Variants in CSMD2 observed in about 807,000 individuals in gnomAD.
The protein encoded by CSMD2 is CUB and Sushi multiple domains 2.
Under a neutral mutation model 398.5 loss-of-function variants are expected in CSMD2, and 130 were observed. That is an observed-to-expected ratio of 0.33 (90% CI 0.28 to 0.38). CSMD2 has a LOEUF of 0.38. CSMD2 is among the 10% of genes least tolerant of loss of function. CSMD2 has a pLI of 1.00. For missense variants in CSMD2, 3,829 were observed against 4,764.9 expected (o/e 0.80, Z 5.78); for synonymous variants, 1,828 against 1,908.5 (o/e 0.96, Z 1.10).
rs72469561 is a variant in CSMD2 at position 33,749,092 on chromosome 1, C to CTTTTTTTT, written c.1847-5494_1847-5487dup. Among the ~76,000 whole-genome samples, 24 of 87,806 alleles carry CTTTTTTTT rather than the reference C, an allele frequency of 2.7e-4. 1 individual carries two copies. Among genetic ancestry groups the CTTTTTTTT allele is most frequent in the East Asian group, 7.5e-4 (2 of 2,656 alleles). The allele number at this position is 87,806 out of a possible 152,430, so 57.6% of individuals were successfully genotyped here. On this transcript the variant is annotated intron_variant, in intron 13 of 70. Transcript: ENST00000373381. ...AAAACAAAGCTATCAATACAGACTT[C>CTTTTTTTT]TTTTTTTTTTTTTTTTTTTTTTTTT...
rs190044881 is a variant in CSMD2, at chr1:33,518,437, G to T, written c.*53+1028C>A. Among the ~76,000 whole-genome samples the T allele has an allele frequency of 4.3e-4, 65 of 152,194 alleles. 1 individual carries two copies. Among genetic ancestry groups the T allele is most frequent in the African/African-American group, 1.5e-3 (63 of 41,532 alleles). Reference sequence around the variant, plus strand: ...ACCGTGTACACGTGTGGGTGTGTCTGCCCCCTGTCTATATTTCCGGGAGCT... The same window carrying T: ...ACCGTGTACACGTGTGGGTGTGTCTTCCCCCTGTCTATATTTCCGGGAGCT... On this transcript the variant is annotated intron_variant, in intron 70 of 70. Transcript: ENST00000373381. The surrounding 1 kb of genome is among the most constrained non-coding windows in gnomAD (Gnocchi z 4.3).
intron 1 of CSMD2, among the ~76,000 whole-genome samples, chr1:34,124,955 C>T (rs995126261): frequency 1.3e-5 from 2 of 152,174 alleles, no homozygotes; most frequent in African/African-American, 4.8e-5. Flanking sequence ...ATGTCTACTT[C>T]CATGACTTCG....
At chr1:33,650,506 T>C (rs1380045155) in intron 28 of CSMD2, among the ~76,000 whole-genome samples, 1 of 148,154 alleles carries the variant, frequency 6.7e-6, no homozygotes, top group Non-Finnish European at 1.5e-5. Context: ...GCCCTGAAAC[T>C]GCAAGGAGTT....
intron 14 of CSMD2, among the ~76,000 whole-genome samples, chr1:33,741,708 G>C (rs1647073838): frequency 6.6e-6 from 1 of 152,044 alleles, no homozygotes; most frequent in African/African-American, 2.4e-5. Context: ...GAGAAACCTT[G>C]GAAAGAAATA....
chr1:33,557,983 A>G, intron 54 of CSMD2, 61 bp from the exon 55 acceptor site: 1 of 1,438,680 alleles, frequency 7.0e-7, no homozygotes, highest in East Asian at 2.5e-5. Flanking sequence ...TCTTCCGAGC[A>G]AAACTAGGCA....
intron 55 of CSMD2, among the ~76,000 whole-genome samples, 172 bp from the exon 56 acceptor site, chr1:33,550,522 C>A (rs1306691336): frequency 6.6e-6 from 1 of 152,236 alleles, no homozygotes; most frequent in Non-Finnish European, 1.5e-5. Context: ...ACAATGTCCA[C>A]TCAGGGGACA....
chr1:33,895,766 G>C (rs1042669661), intron 5 of CSMD2, among the ~76,000 whole-genome samples: 2 of 152,196 alleles, frequency 1.3e-5, no homozygotes, highest in African/African-American at 4.8e-5. Flanking sequence ...GATGCAGGCT[G>C]TTCCCAGCCC....
At chr1:34,032,470 TCAGGA>T (rs1417831650) in intron 3 of CSMD2, 119 bp downstream of exon 3, 4 of 591,568 alleles carry the variant, frequency 6.8e-6, no homozygotes, top group Non-Finnish European at 1.1e-5. Context: ...ACCAGCCTTG[TCAGGA>T]CAGGCGCAAG....
chr1:33,864,548 G>T, intron 5 of CSMD2: 1 of 1,614,074 alleles, frequency 6.2e-7, no homozygotes, highest in Admixed American at 1.7e-5. Context: ...CGAACTGGTC[G>T]GTGGTGCAGG....
intron 22 of CSMD2, among the ~76,000 whole-genome samples, chr1:33,704,965 G>A (rs1052533453): frequency 1.3e-5 from 2 of 151,400 alleles, no homozygotes; most frequent in African/African-American, 4.9e-5. Flanking sequence ...CTAGAGACAG[G>A]GTTTCACTGT....
At position 33,622,226 on chromosome 1, in the gene CSMD2, T is replaced by C; in HGVS notation, c.5768A>G (p.Tyr1923Cys). ...GCTGATATCTGAGTAGAAATGAAGG[T>C]AGAGCTGGTTGGAGGTGCTGTTCAG... Reference protein sequence around the residue: ...ALLNSTSNQLYLHFYSDISVS... With the variant: ...ALLNSTSNQLCLHFYSDISVS... Residue 1923 changes from tyrosine (Y) to cysteine (C), a missense_variant, in exon 37 of 71, where the codon TAC becomes TGC. Physicochemically the swap from Tyr to Cys is radical, Grantham distance 194. Transcript: ENST00000373381. The C allele has an allele frequency of 6.2e-7, 1 of 1,614,080 alleles. No homozygotes were observed. The highest frequency in any genetic ancestry group is 8.5e-7 in the Non-Finnish European group (1 of 1,179,988).
At chr1:33,969,118 G>A (rs1269262506) in intron 3 of CSMD2, among the ~76,000 whole-genome samples, 1 of 152,180 alleles carries the variant, frequency 6.6e-6, no homozygotes, top group Non-Finnish European at 1.5e-5. Context: ...AAAGAACATG[G>A]TCAGAGAAGA....
chr1:33,966,700 T>C (rs904905876), intron 3 of CSMD2, among the ~76,000 whole-genome samples: 5 of 152,204 alleles, frequency 3.3e-5, no homozygotes, highest in African/African-American at 1.2e-4. Context: ...TGATGGTGGC[T>C]CTGATTTGCA....
Position 34,058,429 on chromosome 1 carries a change from C to T in CSMD2, c.405-25723G>A, listed in dbSNP as rs76742263. Among the ~76,000 whole-genome samples the T allele has an allele frequency of 1.6e-4, 25 of 152,264 alleles. No individual in the cohort carries two copies. In the East Asian group the frequency reaches 4.8e-3, roughly 29 times the overall value. Reference sequence around the variant, plus strand: ...ATATAAAAACAAATCCTCTACATTCCTATAGCTATCAAACAAAATTTATGA... The same window carrying T: ...ATATAAAAACAAATCCTCTACATTCTTATAGCTATCAAACAAAATTTATGA... On this transcript the variant is annotated intron_variant, in intron 2 of 70. Transcript: ENST00000373381.
intron 1 of CSMD2, among the ~76,000 whole-genome samples, chr1:34,150,107 G>A (rs1220465817): frequency 6.9e-6 from 1 of 145,172 alleles, no homozygotes; most frequent in East Asian, 2.0e-4. Flanking sequence ...TTTGAGACAG[G>A]GTCTTGCTCT....
At position 33,533,958 on chromosome 1, in the gene CSMD2, C is replaced by T; in HGVS notation, c.9880-51G>A. The T allele has an allele frequency of 1.7e-6, 2 of 1,172,212 alleles. No homozygotes were observed. Among genetic ancestry groups the T allele is most frequent in the Non-Finnish European group, 1.3e-6 (1 of 785,538 alleles). The allele number at this position is 1,172,212 out of a possible 1,614,324, so 72.6% of individuals were successfully genotyped here. A position where few individuals can be genotyped will look rare whatever the true frequency, so the allele number is the denominator to read the frequency against. On this transcript the variant is annotated intron_variant, in intron 62 of 70. Coordinates refer to ENST00000373381, the MANE Select transcript of CSMD2 (RefSeq NM_001281956.2). This position sits in a 1 kb window ranked among gnomAD's most constrained non-coding sequence, Gnocchi z 4.2. ...AGCCCCTTCCTTTCAGCGGTGCTTC[C>T]TACGTCTGTCCCTTGACCACTTTCA...
At chr1:33,674,034 G>C (rs898297352) in intron 25 of CSMD2, among the ~76,000 whole-genome samples, 2 of 152,204 alleles carry the variant, frequency 1.3e-5, no homozygotes, top group Non-Finnish European at 2.9e-5. Context: ...ATCAAGGCTA[G>C]GAAGAAACTG....
At position 33,630,834 on chromosome 1, in the gene CSMD2, A is replaced by T. The variant is rs145622616; in HGVS notation, c.5200+2588T>A. 1.2e-4 allele frequency among the ~76,000 whole-genome samples: 18 copies of T among 152,334 alleles called. No homozygotes were observed. In the East Asian group the frequency reaches 3.5e-3, roughly 29 times the overall value. ...AACACTTGGGCAAAAAGAGTAAACA[A>T]CACCATGATGAGCTATTTAAAAAGT... On this transcript the variant is annotated intron_variant, in intron 32 of 70. Coordinates refer to ENST00000373381, the MANE Select transcript of CSMD2 (RefSeq NM_001281956.2).
chr1:33,698,456 C>T (rs768829737), intron 24 of CSMD2, among the ~76,000 whole-genome samples: 4 of 152,168 alleles, frequency 2.6e-5, no homozygotes, highest in Non-Finnish European at 4.4e-5. Context: ...CCCACCTCAT[C>T]GCTATCACCC....
Sources: gnomAD v4.1 joint callset for allele counts (sites outside exome capture counted in the v4.1 genomes callset) on GRCh38, gnomAD v4.1.1 for gene constraint, Gnocchi (gnomAD v3.1) non-coding constraint, MANE v1.5 for transcripts, NCBI Gene and HGNC (gene_info 2026-07-23, HGNC 2026-07-21) for gene names.